GCC2: variants seen among roughly 807,000 people sequenced by gnomAD.
GCC2 encodes the protein GRIP and coiled-coil domain-containing protein 2.
In GCC2, 120 loss-of-function variants were observed where a neutral mutation model predicts 210.6. The observed-to-expected ratio is 0.57, with a 90% confidence interval of 0.49 to 0.66. The LOEUF (loss-of-function observed/expected upper bound fraction) is 0.66. Among genes scored for constraint, GCC2 ranks in the 30% least tolerant of loss-of-function variants. The pLI is 0.00. For synonymous variants in GCC2, 703 were observed against 652.7 expected (o/e 1.08, Z -1.17); for missense variants, 1,868 against 1,871.9 (o/e 1.00, Z 0.04).
Position 108,471,784 on chromosome 2 carries a change from C to T in GCC2, c.2455C>T (p.Gln819Ter). ...GTTAGAAAAAGAGATTAAGTGCCTT[C>T]AAGAAGAGAGTGTAGTTCAGTGTGA... Reference protein sequence around the residue: ...LELEKEIKCLQEESVVQCEEL... With the variant: ...LELEKEIKCL The change falls in exon 6 of 23, where the codon CAA becomes TAA. Residue 819 changes from glutamine (Q) to a stop codon, truncating the protein, a stop_gained. Transcript: ENST00000309863. LOFTEE classifies it high-confidence loss of function. 6.2e-7 allele frequency: 1 copy of T among 1,613,066 alleles called. No individual in the cohort carries two copies. The highest frequency in any genetic ancestry group is 8.5e-7 in the Non-Finnish European group (1 of 1,179,336).
At position 108,482,430 on chromosome 2, in the gene GCC2, T is replaced by C; in HGVS notation, c.3324T>C (p.Leu1108=). Reference sequence around the variant, plus strand: ...ACAAAGAATTAGAAGCTGAAAAACTTCAGAAAGAACAGAAGATAAAGGTAA... The same window carrying C: ...ACAAAGAATTAGAAGCTGAAAAACTCCAGAAAGAACAGAAGATAAAGGTAA... ...MVDKELEAEK[L]QKEQKIKEHA... Residue 1108 remains leucine (L), a synonymous_variant, in exon 11 of 23, where the codon CTT becomes CTC. Coordinates refer to ENST00000309863, the MANE Select transcript of GCC2 (RefSeq NM_181453.4). The C allele has an allele frequency of 1.9e-6, 3 of 1,567,650 alleles. No individual in the cohort carries two copies. Among genetic ancestry groups the C allele is most frequent in the Non-Finnish European group, 2.6e-6 (3 of 1,141,728 alleles).
chr2:108,486,769 T>G (rs1682162573), intron 16 of GCC2, 121 bp downstream of exon 16: 2 of 765,688 alleles, frequency 2.6e-6, no homozygotes, highest in African/African-American at 3.6e-5. Flanking sequence ...CTTACTAGAT[T>G]AAGACCTGTT....
intron 16 of GCC2, 109 bp downstream of exon 16, chr2:108,486,757 C>A: frequency 1.1e-6 from 1 of 947,518 alleles, no homozygotes; most frequent in Non-Finnish European, 1.5e-6. Flanking sequence ...CTGTTAAGAG[C>A]ACTTACTAGA....
chr2:108,485,694 G>A lies in GCC2; in HGVS notation c.3672G>A (p.Leu1224=). 1 of 1,599,534 alleles carries A rather than the reference G, an allele frequency of 6.3e-7. No individual in the cohort carries two copies. The highest frequency in any genetic ancestry group is 8.5e-7 in the Non-Finnish European group (1 of 1,173,942). The part of the protein sequence containing the change: ...YEEKNTKIKQ[L]LVKTKKELAD... ...AAAAAAACACCAAAATCAAGCAATTGCTTGTGAAAACCAAAAAGGAACTGG... is the reference window on the plus strand; with the variant it reads ...AAAAAAACACCAAAATCAAGCAATTACTTGTGAAAACCAAAAAGGAACTGG... The change falls in exon 14 of 23, where the codon TTG becomes TTA. Residue 1224 remains leucine, a synonymous_variant. Coordinates refer to ENST00000309863, the MANE Select transcript of GCC2 (RefSeq NM_181453.4).
chr2:108,482,259 T>G, intron 10 of GCC2, 28 bp from the exon 11 acceptor site: 1 of 1,408,214 alleles, frequency 7.1e-7, no homozygotes, highest in East Asian at 2.3e-5. Flanking sequence ...TTTGCATGTT[T>G]ATAGTAATGA....
chr2:108,475,543 G>A lies in GCC2; in HGVS notation c.2869G>A (p.Glu957Lys). The A allele has an allele frequency of 7.0e-7, 1 of 1,436,688 alleles. No individual in the cohort carries two copies. 89.0% of individuals were successfully genotyped at this position (1,436,688 alleles called of 1,614,324 possible). ...KELEEKIENL[E>K]KECKEKEEKI... ...TTATTTTCTATTTTTAGAAAATCTGGAAAAAGAATGCAAAGAAAAGGAGGA... is the reference window on the plus strand; with the variant it reads ...TTATTTTCTATTTTTAGAAAATCTGAAAAAAGAATGCAAAGAAAAGGAGGA... The change falls in exon 8 of 23, where the codon GAA becomes AAA. Residue 957 changes from glutamate to lysine, a missense_variant. Coordinates refer to ENST00000309863, the MANE Select transcript of GCC2 (RefSeq NM_181453.4).
rs1682697055 is a variant in GCC2 at position 108,497,361 on chromosome 2, C to T, written c.4782+252C>T. On this transcript the variant is annotated intron_variant, in intron 21 of 22. Transcript: ENST00000309863. Reference sequence around the variant, plus strand: ...TCGATCTCCTGACCTCGTGATCCGCCTGCCTTGGCCTCCCAAAGTGCTGGT... The same window carrying T: ...TCGATCTCCTGACCTCGTGATCCGCTTGCCTTGGCCTCCCAAAGTGCTGGT... 2.6e-5 allele frequency among the ~76,000 whole-genome samples: 4 copies of T among 152,208 alleles called. 1 individual carries two copies. The highest frequency in any genetic ancestry group is 2.0e-4 in the Admixed American group (3 of 15,284).
rs1191241985 is a variant in GCC2 at position 108,507,085 on chromosome 2, T to TA, written c.4985-473dup. On this transcript the variant is annotated intron_variant, in intron 22 of 22. Transcript: ENST00000309863. ...ATATCCTTTAAAAAGAGAAATTTAGTAAGTAGTGTGTCTAAAGAATGACAT... is the reference window on the plus strand; with the variant it reads ...ATATCCTTTAAAAAGAGAAATTTAGTAAAGTAGTGTGTCTAAAGAATGACAT... Among the ~76,000 whole-genome samples the TA allele has an allele frequency of 2.0e-5, 3 of 152,254 alleles. No homozygotes were observed. The East Asian group carries it at 5.8e-4, about 29-fold the overall frequency.
Position 108,507,543 on chromosome 2 carries a change from T to G in GCC2, c.4985-17T>G, listed in dbSNP as rs777616862. On this transcript the variant is annotated splice_polypyrimidine_tract_variant and intron_variant, in intron 22 of 22. Coordinates refer to ENST00000309863, the MANE Select transcript of GCC2 (RefSeq NM_181453.4). Reference sequence around the variant, plus strand: ...TTTCTTTTATTTTTCTTTTTTTTTTTGTTTTACTTTCCAAAGGTGAGGAAG... The same window carrying G: ...TTTCTTTTATTTTTCTTTTTTTTTTGGTTTTACTTTCCAAAGGTGAGGAAG... The G allele has an allele frequency of 3.9e-6, 6 of 1,532,518 alleles. No individual in the cohort carries two copies. The highest frequency in any genetic ancestry group is 5.3e-6 in the Non-Finnish European group (6 of 1,123,700). 94.9% of individuals were successfully genotyped at this position (1,532,518 alleles called of 1,614,324 possible).
intron 5 of GCC2, 159 bp downstream of exon 5, chr2:108,469,243 C>A: frequency 2.0e-6 from 1 of 502,076 alleles, no homozygotes; most frequent in Non-Finnish European, 3.6e-6. Context: ...AACTGAATCA[C>A]CTAACTATAC....
chr2:108,461,222 A>G (rs946053307), intron 4 of GCC2, among the ~76,000 whole-genome samples: 15 of 151,806 alleles, frequency 9.9e-5, no homozygotes, highest in African/African-American at 3.6e-4. Flanking sequence ...TAAGCTTCCT[A>G]CTGAGAAACC....
At chr2:108,503,597 A>C (rs1228678070) in intron 22 of GCC2, among the ~76,000 whole-genome samples, 2 of 152,206 alleles carry the variant, frequency 1.3e-5, no homozygotes, top group African/African-American at 2.4e-5. Context: ...GAGGGATGCC[A>C]GAAGAAAGAT....
intron 19 of GCC2, chr2:108,494,966 C>T (rs139786278): frequency 0.014 from 2,338 of 162,340 alleles, 18 homozygotes; most frequent in Admixed American, 0.022. Flanking sequence ...CACCTGCCAC[C>T]GTGCCTGGCT....
intron 9 of GCC2, among the ~76,000 whole-genome samples, chr2:108,478,834 C>A (rs1384167289): frequency 6.6e-6 from 1 of 152,178 alleles, no homozygotes; most frequent in Non-Finnish European, 1.5e-5. Context: ...AAATACTAAA[C>A]AAGCACAGGA....
At position 108,449,271 on chromosome 2, in the gene GCC2, G is replaced by A. The variant is rs751810629; in HGVS notation, c.-4G>A. On this transcript the variant is annotated 5_prime_UTR_variant, in exon 1 of 23. Transcript: ENST00000309863. The stretch of plus-strand genomic sequence containing the variant: ...GGTTGCGGGCCGGCGGCGGGCTGGC[G>A]GAGATGGAGGTAACTCAGGTCGGGC... 2.6e-6 allele frequency: 4 copies of A among 1,549,492 alleles called. No homozygotes were observed. In the African/African-American group the frequency reaches 4.1e-5, roughly 16 times the overall value.
chr2:108,477,293 TAAC>T (rs1681593517), intron 9 of GCC2, among the ~76,000 whole-genome samples: 1 of 152,194 alleles, frequency 6.6e-6, no homozygotes, highest in Non-Finnish European at 1.5e-5. Context: ...TACTTCTGCA[TAAC>T]AACAAACAGG....
chr2:108,498,592 C>T (rs1275967735), intron 21 of GCC2, among the ~76,000 whole-genome samples: 1 of 152,174 alleles, frequency 6.6e-6, no homozygotes, highest in Non-Finnish European at 1.5e-5. Flanking sequence ...ACAAAGTTCG[C>T]TAACTTTCTT....
chr2:108,458,249 A>G (rs1411989873), intron 4 of GCC2, among the ~76,000 whole-genome samples: 1 of 148,924 alleles, frequency 6.7e-6, no homozygotes, highest in African/African-American at 2.4e-5. Flanking sequence ...CCATCCTTGC[A>G]TCCCTCGAAT....
intron 9 of GCC2, among the ~76,000 whole-genome samples, chr2:108,480,446 T>A (rs1573205205): frequency 6.6e-6 from 1 of 152,186 alleles, no homozygotes. Flanking sequence ...AAGACACATG[T>A]ACATGTATGT....
Sources: allele counts gnomAD v4.1 joint callset (sites outside exome capture counted in the v4.1 genomes callset), GRCh38; gene constraint gnomAD v4.1.1; transcripts MANE v1.5; gene names NCBI Gene and HGNC (gene_info 2026-07-23, HGNC 2026-07-21).